GJC1: variants seen among roughly 807,000 people sequenced by gnomAD.
GJC1 encodes gap junction protein gamma 1.
Under a neutral mutation model 29.3 loss-of-function variants are expected in GJC1, and 5 were observed. The ratio of observed to expected loss-of-function variants is 0.17; its 90% CI spans 0.09 to 0.36. The LOEUF (loss-of-function observed/expected upper bound fraction) is 0.36, where lower values mean the gene tolerates loss of function less well. Ranked by LOEUF, GJC1 falls within the 10% of genes least tolerant of loss-of-function variation. The probability of loss-of-function intolerance (pLI) is 1.00; values close to 1 mark genes in which losing one functional copy is unlikely to be tolerated. For synonymous variants in GJC1, 177 were observed against 183.3 expected (o/e 0.97, Z 0.28); for missense variants, 310 against 496.2 (o/e 0.62, Z 3.56).
rs2049822553 is a variant in GJC1 at position 44,799,918 on chromosome 17, C to A, written c.*4709G>T. The A allele has an allele frequency of 6.6e-6, 1 of 152,182 alleles. No individual in the cohort carries two copies. 9.4% of individuals were successfully genotyped at this position (152,182 alleles called of 1,614,324 possible). A position where few individuals can be genotyped will look rare whatever the true frequency, so the allele number is the denominator to read the frequency against. ...TGGGCTCAAAACAAACCCCAAAAAA[C>A]AAAACCAAACATCAATAGAACTACA... On this transcript the variant is annotated 3_prime_UTR_variant, in exon 3 of 3. Coordinates refer to ENST00000592524, the MANE Select transcript of GJC1 (RefSeq NM_005497.4).
intron 2 of GJC1, among the ~76,000 whole-genome samples, chr17:44,806,156 C>G (rs1423533493): frequency 1.3e-5 from 2 of 151,968 alleles, no homozygotes; most frequent in Non-Finnish European, 2.9e-5. Flanking sequence ...ACCTGTAATC[C>G]CAGCAGCTCA....
At chr17:44,824,228 G>A (rs1218377039) in intron 1 of GJC1, among the ~76,000 whole-genome samples, 4 of 152,080 alleles carry the variant, frequency 2.6e-5, no homozygotes, top group East Asian at 1.9e-4. Context: ...GGATGGTCTC[G>A]AACTCCTGAC....
intron 1 of GJC1, among the ~76,000 whole-genome samples, chr17:44,816,524 CAG>C (rs1242247458): frequency 2.0e-5 from 3 of 152,072 alleles, no homozygotes; most frequent in African/African-American, 4.8e-5. Context: ...TTTTCTGAGA[CAG>C]AGTGTCGCTC....
rs953620777 is a variant in GJC1 at position 44,805,277 on chromosome 17, A to G, written c.541T>C (p.Leu181=). The G allele has an allele frequency of 5.6e-6, 9 of 1,614,042 alleles. No homozygotes were observed. In the African/African-American group the frequency reaches 1.2e-4, roughly 22 times the overall value. The change falls in exon 3 of 3, where the codon TTG becomes CTG. Residue 181 remains leucine (L), a synonymous_variant. Coordinates refer to ENST00000592524, the MANE Select transcript of GJC1 (RefSeq NM_005497.4). The surrounding 1 kb of genome is among the most constrained non-coding windows in gnomAD (Gnocchi z 5.1). The part of the protein sequence containing the change: ...DGLMKIYVLQ[L]LARTVFEVGF... The stretch of plus-strand genomic sequence containing the variant: ...ACCTCAAACACGGTCCTTGCCAGCA[A>G]CTGCAGCACATAGATTTTCATGAGC...
chr17:44,826,328 C>A (rs935590370), intron 1 of GJC1, among the ~76,000 whole-genome samples: 3 of 152,014 alleles, frequency 2.0e-5, no homozygotes, highest in Non-Finnish European at 4.4e-5. Flanking sequence ...ATCAGGAGAT[C>A]GAGACCATCC....
Position 44,805,445 on chromosome 17 carries a change from G to T in GJC1, c.373C>A (p.Arg125=), listed in dbSNP as rs751731188. ...TCCTCCTCCGTTTCTTCCAGAGCCC[G>T]GTGTTGTTTCCAGCGCATTGCATAG... is the stretch of plus-strand genomic sequence containing the variant. The part of the protein sequence containing the change: ...KPYAMRWKQH[R]ALEETEEDNE... Residue 125 remains arginine (R), a synonymous_variant, in exon 3 of 3, where the codon CGG becomes AGG. Coordinates refer to ENST00000592524, the MANE Select transcript of GJC1 (RefSeq NM_005497.4). The surrounding 1 kb of genome is among the most constrained non-coding windows in gnomAD (Gnocchi z 5.1). The T allele has an allele frequency of 1.2e-6, 2 of 1,614,112 alleles. No homozygotes were observed. Among genetic ancestry groups the T allele is most frequent in the East Asian group, 4.5e-5 (2 of 44,882 alleles).
chr17:44,807,314 T>G (rs2049923451), intron 2 of GJC1, 80 bp downstream of exon 2: 1 of 152,234 alleles, frequency 6.6e-6, no homozygotes, highest in Non-Finnish European at 1.5e-5. Flanking sequence ...AATTTTTAAC[T>G]TGTCCTCCTC....
In GJC1 at chr17:44,806,131, G is replaced by A. The variant is rs189704575; in HGVS notation, c.-20-294C>T. On this transcript the variant is annotated intron_variant, in intron 2 of 2. Transcript: ENST00000592524. ...TCTACAAAAATACAAAAATTACCCG[G>A]GCACGGTGGTGTGCACCTGTAATCC... 1.5e-4 allele frequency among the ~76,000 whole-genome samples: 23 copies of A among 152,108 alleles called. No individual in the cohort carries two copies. In the East Asian group the frequency reaches 4.3e-3, roughly 28 times the overall value.
chr17:44,829,571 AG>A lies in GJC1; in HGVS notation c.-97+490del, dbSNP rs1192828824. 4.6e-5 allele frequency: 7 copies of A among 152,250 alleles called. No homozygotes were observed. In the East Asian group the frequency reaches 1.4e-3, roughly 30 times the overall value. 9.4% of individuals were successfully genotyped at this position (152,250 alleles called of 1,614,324 possible). Reference sequence around the variant, plus strand: ...GGGGAGATGCGGGAAGCCTCAGACGAGCCCGCACGCCGCCGGAGACGCAGGG... The same window carrying A: ...GGGGAGATGCGGGAAGCCTCAGACGACCCGCACGCCGCCGGAGACGCAGGG... On this transcript the variant is annotated intron_variant, in intron 1 of 2. Transcript: ENST00000592524.
chr17:44,823,369 A>C lies in GJC1; in HGVS notation c.-97+6693T>G, dbSNP rs1464980128. ...CGGGTTCAAGTGATTCTCCTGTCTC[A>C]GTCTCGCAAGTAGCTGGGACTACAG... On this transcript the variant is annotated intron_variant, in intron 1 of 2. Transcript: ENST00000592524. 2.0e-5 allele frequency among the ~76,000 whole-genome samples: 3 copies of C among 149,488 alleles called. No homozygotes were observed. The Admixed American group carries it at 2.0e-4, about 10-fold the overall frequency.
At position 44,801,433 on chromosome 17, in the gene GJC1, C is replaced by T. The variant is rs2049843958; in HGVS notation, c.*3194G>A. The T allele has an allele frequency of 6.6e-6, 1 of 152,140 alleles. No individual in the cohort carries two copies. The highest frequency in any genetic ancestry group is 2.4e-5 in the African/African-American group (1 of 41,426). 9.4% of individuals were successfully genotyped at this position (152,140 alleles called of 1,614,324 possible). A position where few individuals can be genotyped will look rare whatever the true frequency, so the allele number is the denominator to read the frequency against. On this transcript the variant is annotated 3_prime_UTR_variant, in exon 3 of 3. Transcript: ENST00000592524. ...AGGAGAAGCAAGTGTCATGATGGAG[C>T]ATGTCTTATATGGCAATTCAAAACA...
chr17:44,797,307 C>T (rs1432574581), downstream of GJC1, among the ~76,000 whole-genome samples: 1 of 152,102 alleles, frequency 6.6e-6, no homozygotes, highest in Non-Finnish European at 1.5e-5. Flanking sequence ...GGGGTTTCAC[C>T]ATGTTAGCCA....
At chr17:44,814,568 G>A (rs937356638) in intron 1 of GJC1, among the ~76,000 whole-genome samples, 2 of 152,124 alleles carry the variant, frequency 1.3e-5, no homozygotes, top group African/African-American at 2.4e-5. Context: ...GAGATCTGCA[G>A]AGGGGCCCCT....
At chr17:44,819,425 G>A (rs1045501253) in intron 1 of GJC1, among the ~76,000 whole-genome samples, 2 of 152,110 alleles carry the variant, frequency 1.3e-5, no homozygotes, top group East Asian at 1.9e-4. Context: ...TTGGGAGGCC[G>A]AGGCGGGTAG....
intron 1 of GJC1, among the ~76,000 whole-genome samples, chr17:44,823,294 C>T (rs1035281242): frequency 6.9e-6 from 1 of 145,282 alleles, no homozygotes; most frequent in Non-Finnish European, 1.5e-5. Context: ...GCTCTGTCAC[C>T]AGGCTTCAGT....
chr17:44,827,251 AGT>A (rs1401939930), intron 1 of GJC1, among the ~76,000 whole-genome samples: 1 of 151,998 alleles, frequency 6.6e-6, no homozygotes, highest in Non-Finnish European at 1.5e-5. Flanking sequence ...CGGAGGTTGC[AGT>A]GAGACAAGAT....
rs535660454 is a variant in GJC1, at chr17:44,804,249, A to G, written c.*378T>C. On this transcript the variant is annotated 3_prime_UTR_variant, in exon 3 of 3. Transcript: ENST00000592524. ...TAAGGACTTTTTCCCCTTTAATATA[A>G]AAGTATAACTACAGCAGTTCAATGT... The G allele has an allele frequency of 1.2e-5, 2 of 168,940 alleles. No homozygotes were observed. The highest frequency in any genetic ancestry group is 4.8e-5 in the African/African-American group (2 of 42,040). The allele number at this position is 168,940 out of a possible 1,614,324, so 10.5% of individuals were successfully genotyped here.
intron 1 of GJC1, among the ~76,000 whole-genome samples, chr17:44,817,535 AC>A (rs1225243528): frequency 6.6e-6 from 1 of 151,368 alleles, no homozygotes; most frequent in Admixed American, 6.6e-5. Context: ...AGATGGAGAA[AC>A]CCTGTCTCTA....
Position 44,804,563 on chromosome 17 carries a change from CATT to C in GJC1, c.*61_*63del. The stretch of plus-strand genomic sequence containing the variant: ...AGCCAAATGTTTACTCAATGGAAGT[CATT>C]ATTCAGTGAGCTGCTGCTTACCATA... On this transcript the variant is annotated 3_prime_UTR_variant, in exon 3 of 3. Coordinates refer to ENST00000592524, the MANE Select transcript of GJC1 (RefSeq NM_005497.4). The C allele has an allele frequency of 8.1e-7, 1 of 1,229,428 alleles. No homozygotes were observed. The highest frequency in any genetic ancestry group is 1.2e-6 in the Non-Finnish European group (1 of 859,402). The allele number at this position is 1,229,428 out of a possible 1,614,324, so 76.2% of individuals were successfully genotyped here. A position where few individuals can be genotyped will look rare whatever the true frequency, so the allele number is the denominator to read the frequency against.
Sources: gnomAD v4.1 joint callset for allele counts (sites outside exome capture counted in the v4.1 genomes callset) on GRCh38, gnomAD v4.1.1 for gene constraint, Gnocchi (gnomAD v3.1) non-coding constraint, MANE v1.5 for transcripts, NCBI Gene and HGNC (gene_info 2026-07-23, HGNC 2026-07-21) for gene names.